GALNT13: variants seen among roughly 807,000 people sequenced by gnomAD.
GALNT13 encodes UDP-GalNAc:polypeptide N-acetylgalactosaminyltransferase 13.
GALNT13 carries 28 observed loss-of-function variants against 64.2 expected under a neutral mutation model. The observed-to-expected ratio is 0.44, with a 90% CI of 0.32 to 0.60. The LOEUF (loss-of-function observed/expected upper bound fraction) is 0.60, where lower values mean the gene tolerates loss of function less well. Among genes scored for constraint, GALNT13 ranks in the 20% least tolerant of loss-of-function variants. The probability of loss-of-function intolerance (pLI) is 0.05; values close to 1 mark genes in which losing one functional copy is unlikely to be tolerated. For missense variants in GALNT13, 577 were observed against 669.8 expected, an observed-to-expected ratio of 0.86 and a Z score of 1.53; for synonymous variants, 214 against 224.6, an observed-to-expected ratio of 0.95 and a Z score of 0.42.
chr2:153,445,514 A>C, the GALNT13 span, among the ~76,000 whole-genome samples: 1 of 151,928 alleles, frequency 6.6e-6, no homozygotes, highest in Non-Finnish European at 1.5e-5. Flanking sequence ...GGTAGCTGGG[A>C]CTAGAGGTGC....
chr2:154,014,164 GA>G (rs1275601988), intron 3 of GALNT13, among the ~76,000 whole-genome samples: 1 of 152,176 alleles, frequency 6.6e-6, no homozygotes, highest in East Asian at 1.9e-4. Context: ...AGCCTTGGGG[GA>G]TAGACATCCC....
At chr2:153,700,431 C>T in the GALNT13 span, among the ~76,000 whole-genome samples, 2 of 152,130 alleles carry the variant, frequency 1.3e-5, no homozygotes, top group Non-Finnish European at 2.9e-5. Context: ...AAAACTGGCA[C>T]AAGACAAGGA....
the GALNT13 span, among the ~76,000 whole-genome samples, chr2:153,157,689 G>C: frequency 6.6e-6 from 1 of 152,004 alleles, no homozygotes; most frequent in Non-Finnish European, 1.5e-5. Context: ...TAATTTACTT[G>C]GTTTCTTATG....
chr2:153,340,282 A>C, the GALNT13 span, among the ~76,000 whole-genome samples: 2 of 152,006 alleles, frequency 1.3e-5, no homozygotes, highest in African/African-American at 4.8e-5. Context: ...TTTCTGATTC[A>C]CAAGCCTTTT....
chr2:153,871,323 T>C (rs796868282), upstream of GALNT13, among the ~76,000 whole-genome samples: 22 of 152,276 alleles, frequency 1.4e-4, no homozygotes, highest in African/African-American at 3.4e-4. Context: ...TCGGTGGCAG[T>C]AGTCACCGCC....
At chr2:153,345,633 CTT>C in the GALNT13 span, among the ~76,000 whole-genome samples, 70 of 111,742 alleles carry the variant, frequency 6.3e-4, no homozygotes, top group Admixed American at 1.3e-3. Context: ...CTTTTCCTTT[CTT>C]TTTCTTTCTT....
the GALNT13 span, among the ~76,000 whole-genome samples, chr2:153,850,253 C>T: frequency 6.6e-6 from 1 of 151,872 alleles, no homozygotes; most frequent in Non-Finnish European, 1.5e-5. Flanking sequence ...CAACACTTGG[C>T]ACTCACACCA....
chr2:154,431,311 C>T (rs1306097250), intron 11 of GALNT13, among the ~76,000 whole-genome samples: 4 of 152,148 alleles, frequency 2.6e-5, no homozygotes, highest in African/African-American at 9.7e-5. Flanking sequence ...AACAAGGTTT[C>T]ATTAGCACAG....
chr2:153,175,043 G>A, the GALNT13 span, among the ~76,000 whole-genome samples: 1 of 152,138 alleles, frequency 6.6e-6, no homozygotes, highest in Non-Finnish European at 1.5e-5. Flanking sequence ...GGGCCTGATA[G>A]TTGACACATA....
the GALNT13 span, among the ~76,000 whole-genome samples, chr2:153,841,262 T>TA: frequency 6.6e-6 from 1 of 152,156 alleles, no homozygotes; most frequent in African/African-American, 2.4e-5. Flanking sequence ...GTTTTATTTG[T>TA]AAAAAATTAC....
the GALNT13 span, among the ~76,000 whole-genome samples, chr2:153,530,647 G>T: frequency 0.01 from 1,529 of 152,104 alleles, 13 homozygotes; most frequent in Non-Finnish European, 0.016. Flanking sequence ...TAACCAAACA[G>T]CATGGTACTG....
At chr2:154,051,005 A>C (rs912843090) in intron 3 of GALNT13, among the ~76,000 whole-genome samples, 2 of 152,196 alleles carry the variant, frequency 1.3e-5, no homozygotes, top group African/African-American at 4.8e-5. Flanking sequence ...ATGAACTCTG[A>C]AATAGAAAGT....
chr2:154,283,679 A>C (rs1692091569), intron 8 of GALNT13, among the ~76,000 whole-genome samples: 2 of 151,864 alleles, frequency 1.3e-5, no homozygotes, highest in South Asian at 4.1e-4. Context: ...AATATATACA[A>C]AATACACACA....
chr2:153,131,896 A>G, the GALNT13 span, among the ~76,000 whole-genome samples: 1 of 151,974 alleles, frequency 6.6e-6, no homozygotes, highest in African/African-American at 2.4e-5. Context: ...TTGGCCCCAC[A>G]CTCTGAGAGT....
chr2:154,315,891 C>A (rs546106900), intron 9 of GALNT13, among the ~76,000 whole-genome samples: 125 of 152,190 alleles, frequency 8.2e-4, no homozygotes, highest in African/African-American at 3.0e-3. Flanking sequence ...AGTTCCAGAC[C>A]AGACTGACCA....
chr2:154,113,257 C>G (rs967545652), intron 3 of GALNT13, among the ~76,000 whole-genome samples: 1 of 152,190 alleles, frequency 6.6e-6, no homozygotes, highest in Non-Finnish European at 1.5e-5. Flanking sequence ...GCCTCCCTAT[C>G]TGCCACTGAC....
At chr2:153,871,898 G>A (rs889332587), upstream of GALNT13, 1 of 149,626 alleles carries the variant, frequency 6.7e-6, no homozygotes, top group African/African-American at 2.5e-5. Flanking sequence ...TGGGGTGGGA[G>A]GGGGGCGGGG....
At chr2:154,207,645 T>C (rs1687537547) in intron 4 of GALNT13, among the ~76,000 whole-genome samples, 1 of 152,102 alleles carries the variant, frequency 6.6e-6, no homozygotes, top group African/African-American at 2.4e-5. Context: ...ATATAGTAAA[T>C]AAAGATCAGG....
the GALNT13 span, among the ~76,000 whole-genome samples, chr2:153,131,824 A>G: frequency 2.0e-5 from 3 of 152,006 alleles, no homozygotes. Context: ...GAAGCTCAAC[A>G]AGCATTTGGA....
Sources: gnomAD v4.1 joint callset for allele counts (sites outside exome capture counted in the v4.1 genomes callset) on GRCh38, gnomAD v4.1.1 for gene constraint, MANE v1.5 for transcripts, NCBI Gene and HGNC (gene_info 2026-07-23, HGNC 2026-07-21) for gene names.